Variants in TNKS observed in about 807,000 individuals in gnomAD.
TNKS encodes the protein tankyrase, also known as poly [ADP-ribose] polymerase tankyrase-1.
A neutral mutation model predicts 135.8 loss-of-function variants in TNKS; 72 were observed. The observed-to-expected ratio is 0.53, with a 90% CI of 0.44 to 0.64. The LOEUF (loss-of-function observed/expected upper bound fraction) is 0.64, where lower values mean the gene tolerates loss of function less well. Ranked by LOEUF, TNKS falls within the 30% of genes least tolerant of loss-of-function variation. TNKS has a pLI of 0.00. For missense variants in TNKS, 1,769 were observed against 1,674.0 expected, an observed-to-expected ratio of 1.06 and a Z score of -0.99; for synonymous variants, 849 against 649.3, an observed-to-expected ratio of 1.31 and a Z score of -4.68.
At chr8:9,649,652 G>C (rs895560131) in intron 3 of TNKS, among the ~76,000 whole-genome samples, 1 of 150,248 alleles carries the variant, frequency 6.7e-6, no homozygotes, top group Non-Finnish European at 1.5e-5. Context: ...AGTCCCCAAA[G>C]TCCATTATGT....
Position 9,764,770 on chromosome 8 carries a change from A to C in TNKS, c.3427A>C (p.Asn1143His). ...RDGGNAGGIF[N>H]RYNVIRIQKV... is the part of the protein sequence containing the mutation. ...TGGTGGTAATGCTGGCGGCATCTTC[A>C]ACAGATACAATGTCATTCGAGTAAG... The change falls in exon 23 of 27, where the codon AAC becomes CAC. Residue 1143 changes from asparagine (N) to histidine (H), a missense_variant. Asn to His is a moderately conservative substitution (Grantham distance 68). Transcript: ENST00000310430. 1 of 1,597,986 alleles carries C rather than the reference A, an allele frequency of 6.3e-7. No homozygotes were observed.
At position 9,612,721 on chromosome 8, in the gene TNKS, C is replaced by G. The variant is rs532737905; in HGVS notation, c.899-2861C>G. Among the ~76,000 whole-genome samples, 3 of 152,134 alleles carry G rather than the reference C, an allele frequency of 2.0e-5. No homozygotes were observed. The East Asian group carries it at 5.8e-4, about 29-fold the overall frequency. ...GGTAGAGTCGAGGGAGGGATGAGGACCCTTGAACAATGCAGGGGTTAGGAC... is the reference window on the plus strand; with the variant it reads ...GGTAGAGTCGAGGGAGGGATGAGGAGCCTTGAACAATGCAGGGGTTAGGAC... On this transcript the variant is annotated intron_variant, in intron 2 of 26. Transcript: ENST00000310430.
At chr8:9,584,410 C>T (rs1016361963) in intron 2 of TNKS, among the ~76,000 whole-genome samples, 1 of 152,070 alleles carries the variant, frequency 6.6e-6, no homozygotes, top group Non-Finnish European at 1.5e-5. Context: ...ATTTTGAATA[C>T]AAAATCTTAG....
chr8:9,713,357 C>A (rs1275988002), intron 11 of TNKS, among the ~76,000 whole-genome samples: 1 of 152,156 alleles, frequency 6.6e-6, no homozygotes, highest in Admixed American at 6.5e-5. Context: ...AGGAATAATG[C>A]CCTTCATTTT....
chr8:9,609,189 G>A (rs1271472028), intron 2 of TNKS, among the ~76,000 whole-genome samples: 1 of 151,956 alleles, frequency 6.6e-6, no homozygotes, highest in Non-Finnish European at 1.5e-5. Context: ...AAGTTTTTAT[G>A]GGTCTGTTCT....
intron 5 of TNKS, among the ~76,000 whole-genome samples, chr8:9,698,743 G>T (rs1315866430): frequency 6.6e-6 from 1 of 152,156 alleles, no homozygotes; most frequent in Non-Finnish European, 1.5e-5. Context: ...TGCCTTACAT[G>T]CATGGTTGTA....
chr8:9,659,351 C>T (rs1801583151), intron 3 of TNKS, among the ~76,000 whole-genome samples: 1 of 152,138 alleles, frequency 6.6e-6, no homozygotes, highest in Non-Finnish European at 1.5e-5. Flanking sequence ...CACTCCTCAG[C>T]AAATGTAAAA....
chr8:9,587,749 C>T (rs1798443589), intron 2 of TNKS, among the ~76,000 whole-genome samples: 1 of 152,100 alleles, frequency 6.6e-6, no homozygotes, highest in Non-Finnish European at 1.5e-5. Flanking sequence ...TTTAGGATCT[C>T]CAGAACTGTA....
intron 25 of TNKS, among the ~76,000 whole-genome samples, chr8:9,769,764 C>T (rs879706622): frequency 8.6e-5 from 13 of 151,906 alleles, no homozygotes; most frequent in East Asian, 7.7e-4. Flanking sequence ...AGACTACAGG[C>T]GCCCGCCACC....
chr8:9,756,865 C>G (rs925052203), intron 20 of TNKS, among the ~76,000 whole-genome samples: 3 of 152,128 alleles, frequency 2.0e-5, no homozygotes, highest in African/African-American at 7.2e-5. Flanking sequence ...CCAAATCTGC[C>G]CTTCATAATG....
chr8:9,772,809 T>TGTGTGTGTGTGTGTG (rs1563227259), intron 26 of TNKS, among the ~76,000 whole-genome samples: 1 of 86,588 alleles, frequency 1.2e-5, no homozygotes, highest in African/African-American at 4.2e-5. Context: ...GTGTGTGTGT[T>TGTGTGTGTGTGTGTG]TGTGTGTGTG....
chr8:9,598,206 C>T (rs536651830), intron 2 of TNKS, among the ~76,000 whole-genome samples: 122 of 152,148 alleles, frequency 8.0e-4, no homozygotes, highest in African/African-American at 2.5e-3. Context: ...CCACCATGCC[C>T]GGCTAATTTT....
chr8:9,723,543 A>T (rs925368928), intron 12 of TNKS, among the ~76,000 whole-genome samples: 2 of 152,344 alleles, frequency 1.3e-5, no homozygotes, highest in African/African-American at 4.8e-5. Flanking sequence ...ACTAACATCA[A>T]TGTAAAGAAA....
chr8:9,700,051 G>A (rs974060923), intron 5 of TNKS, among the ~76,000 whole-genome samples: 1 of 152,084 alleles, frequency 6.6e-6, no homozygotes, highest in Non-Finnish European at 1.5e-5. Context: ...CTCAGAAAGC[G>A]TTTCTTCTGA....
intron 1 of TNKS, among the ~76,000 whole-genome samples, chr8:9,562,882 A>G (rs947227767): frequency 3.3e-5 from 5 of 149,656 alleles, no homozygotes; most frequent in Non-Finnish European, 7.4e-5. Context: ...CAGATATTCT[A>G]TTACAGTATG....
chr8:9,597,902 A>T (rs943991687), intron 2 of TNKS, among the ~76,000 whole-genome samples: 1 of 152,190 alleles, frequency 6.6e-6, no homozygotes, highest in African/African-American at 2.4e-5. Context: ...ATTCAGAACA[A>T]TTGATAATAG....
Position 9,556,577 on chromosome 8 carries a change from C to T in TNKS, c.638C>T (p.Ala213Val). 1.2e-6 allele frequency: 2 copies of T among 1,613,902 alleles called. No individual in the cohort carries two copies. Among genetic ancestry groups the T allele is most frequent in the Non-Finnish European group, 1.7e-6 (2 of 1,180,040 alleles). The stretch of plus-strand genomic sequence containing the variant: ...GCAAACGTAAATGCAAAGGACATGG[C>T]CGGCCGGAAGTCTTCTCCCCTGCAC... ...DAANVNAKDM[A>V]GRKSSPLHFA... Residue 213 changes from alanine (A) to valine (V), a missense_variant, in exon 1 of 27, where the codon GCC becomes GTC. Physicochemically the swap from Ala to Val is moderately conservative, Grantham distance 64. Around this residue, in one of 5 missense-constraint regions of TNKS, gnomAD observed 450 missense variants for 304.9 expected, o/e 1.48. Transcript: ENST00000310430.
At chr8:9,693,903 C>T (rs141478992) in intron 5 of TNKS, among the ~76,000 whole-genome samples, 5 of 152,214 alleles carry the variant, frequency 3.3e-5, no homozygotes, top group East Asian at 1.9e-4. Context: ...GGTGACCAAC[C>T]GTCTTAGTTT....
intron 2 of TNKS, among the ~76,000 whole-genome samples, chr8:9,586,623 C>T (rs992538220): frequency 2.6e-5 from 4 of 151,864 alleles, no homozygotes; most frequent in African/African-American, 4.8e-5. Flanking sequence ...AATATATCAA[C>T]CCAGATAAGA....
Sources: gnomAD v4.1 joint callset for allele counts (sites outside exome capture counted in the v4.1 genomes callset) on GRCh38, gnomAD v4.1.1 for gene constraint, gnomAD v4.1.1 regional missense constraint, MANE v1.5 for transcripts, NCBI Gene and HGNC (gene_info 2026-07-23, HGNC 2026-07-21) for gene names.